SORBS2: variants seen among roughly 807,000 people sequenced by gnomAD.
SORBS2 encodes the protein sorbin and SH3 domain containing 2, also known as sorbin and SH3 domain-containing protein 2.
SORBS2 carries 46 observed loss-of-function variants against 97.7 expected under a neutral mutation model. The observed-to-expected ratio is 0.47, with a 90% CI of 0.37 to 0.60. SORBS2 has a LOEUF of 0.60. Ranked by LOEUF, SORBS2 falls within the 20% of genes least tolerant of loss-of-function variation. The pLI is 0.00. For synonymous variants in SORBS2, 476 were observed against 473.4 expected (o/e 1.01, Z -0.07); for missense variants, 1,316 against 1,282.3 (o/e 1.03, Z -0.40).
At chr4:185,767,316 C>T (rs1330857149) in intron 2 of SORBS2, among the ~76,000 whole-genome samples, 4 of 139,286 alleles carry the variant, frequency 2.9e-5, no homozygotes, top group African/African-American at 7.8e-5. Flanking sequence ...GGCTAACACA[C>T]GGTGAAACCC....
chr4:185,659,099 C>T (rs537345939), upstream of SORBS2, among the ~76,000 whole-genome samples: 1 of 152,216 alleles, frequency 6.6e-6, no homozygotes, highest in South Asian at 2.1e-4. Context: ...ACATTTGTAA[C>T]TGCTATTACT....
intron 2 of SORBS2, among the ~76,000 whole-genome samples, chr4:185,721,849 G>A (rs78078161): frequency 2.9e-3 from 442 of 152,286 alleles, no homozygotes; most frequent in Admixed American, 4.6e-3. Context: ...CTTTGGTTCC[G>A]TATAATTAGG....
chr4:185,875,706 G>A (rs2099233198), intron 1 of SORBS2, among the ~76,000 whole-genome samples: 2 of 152,246 alleles, frequency 1.3e-5, no homozygotes, highest in Admixed American at 6.5e-5. Context: ...ACCCTGGAAA[G>A]TGCTTTGCAT....
chr4:185,942,444 G>A (rs527707606), intron 1 of SORBS2, among the ~76,000 whole-genome samples: 8 of 151,528 alleles, frequency 5.3e-5, no homozygotes, highest in Admixed American at 2.6e-4. Flanking sequence ...TCTGCCTCCC[G>A]GGTTCGAGTG....
chr4:185,816,890 C>T (rs1214692261), intron 1 of SORBS2, among the ~76,000 whole-genome samples: 1 of 152,148 alleles, frequency 6.6e-6, no homozygotes, highest in Non-Finnish European at 1.5e-5. Context: ...GAAAGCCAAA[C>T]CTATTAACAC....
chr4:185,620,012 C>T (rs1469334194), intron 8 of SORBS2, 51 bp downstream of exon 20: 1 of 1,108,706 alleles, frequency 9.0e-7, no homozygotes. Flanking sequence ...CTGGTAAGTG[C>T]TGTATCAAGT....
intron 1 of SORBS2, among the ~76,000 whole-genome samples, chr4:185,949,474 C>T (rs746191815): frequency 3.3e-5 from 5 of 151,992 alleles, no homozygotes; most frequent in Non-Finnish European, 7.4e-5. Context: ...ATCAAGTCAT[C>T]AACTACCAAA....
chr4:185,841,355 T>C (rs1462977656), intron 1 of SORBS2, among the ~76,000 whole-genome samples: 1 of 152,072 alleles, frequency 6.6e-6, no homozygotes, highest in Non-Finnish European at 1.5e-5. Flanking sequence ...CATTCAGATA[T>C]TTGAGGGAAA....
intron 2 of SORBS2, among the ~76,000 whole-genome samples, chr4:185,763,405 C>T (rs2098915680): frequency 6.6e-6 from 1 of 152,158 alleles, no homozygotes; most frequent in Non-Finnish European, 1.5e-5. Flanking sequence ...CATTCTCCTC[C>T]AATCACCTGC....
At chr4:185,894,935 C>T (rs115495237) in intron 1 of SORBS2, among the ~76,000 whole-genome samples, 2,169 of 152,258 alleles carry the variant, frequency 0.014, 32 homozygotes, top group African/African-American at 0.039. Flanking sequence ...GTGACTGAGC[C>T]GGGGATGCCT....
chr4:185,632,771 G>T (rs1231365685), intron 4 of SORBS2, among the ~76,000 whole-genome samples: 1 of 152,200 alleles, frequency 6.6e-6, no homozygotes, highest in African/African-American at 2.4e-5. Flanking sequence ...CATAGTGTAA[G>T]AACTGATTGT....
At chr4:185,911,268 C>T (rs2099254917) in intron 1 of SORBS2, among the ~76,000 whole-genome samples, 2 of 152,152 alleles carry the variant, frequency 1.3e-5, no homozygotes, top group South Asian at 4.1e-4. Flanking sequence ...CGCTCTGTCA[C>T]CCAGGCTGGA....
intron 4 of SORBS2, among the ~76,000 whole-genome samples, chr4:185,669,542 A>T (rs1215053506): frequency 1.3e-5 from 2 of 152,128 alleles, no homozygotes; most frequent in Non-Finnish European, 2.9e-5. Flanking sequence ...GGATGTGAAG[A>T]AGGAGTGCAT....
exon 11 of SORBS2, chr4:185,614,850 A>G: frequency 3.1e-6 from 5 of 1,614,176 alleles, no homozygotes; most frequent in Non-Finnish European, 4.2e-6. Context: ...TGACAGCTCC[A>G]CATTTGTGTC....
intron 7 of SORBS2, among the ~76,000 whole-genome samples, chr4:185,622,471 T>C (rs536844249): frequency 6.6e-6 from 1 of 152,256 alleles, no homozygotes; most frequent in Non-Finnish European, 1.5e-5. Context: ...TGTTTTGATA[T>C]AGTATCTTCT....
intron 2 of SORBS2, among the ~76,000 whole-genome samples, chr4:185,713,550 G>C (rs2098442026): frequency 6.6e-6 from 1 of 152,162 alleles, no homozygotes; most frequent in Non-Finnish European, 1.5e-5. Context: ...GCATCGTGTG[G>C]CTCTACACAG....
In SORBS2 at chr4:185,712,290, C is replaced by T. The variant is rs529976069; in HGVS notation, c.-197-33468G>A. Among the ~76,000 whole-genome samples, 5 of 152,244 alleles carry T rather than the reference C, an allele frequency of 3.3e-5. No individual in the cohort carries two copies. The East Asian group carries it at 7.7e-4, about 24-fold the overall frequency. Reference sequence around the variant, plus strand: ...TGACTTTGGAGGGACAGCTTGACGGCGTAACTTCGGAGAAGAATCCAGCCA... The same window carrying T: ...TGACTTTGGAGGGACAGCTTGACGGTGTAACTTCGGAGAAGAATCCAGCCA... On this transcript the variant is annotated intron_variant, in intron 2 of 20. Coordinates refer to the SORBS2 transcript ENST00000284776.
At chr4:185,854,978 T>C (rs1334411367) in intron 1 of SORBS2, among the ~76,000 whole-genome samples, 1 of 152,172 alleles carries the variant, frequency 6.6e-6, no homozygotes, top group African/African-American at 2.4e-5. Context: ...CACACATTTA[T>C]ATGAAGACAT....
chr4:185,707,836 C>G (rs2098367684), intron 2 of SORBS2, among the ~76,000 whole-genome samples: 1 of 152,152 alleles, frequency 6.6e-6, no homozygotes, highest in Admixed American at 6.5e-5. Context: ...ACCACAAGAA[C>G]AGCACGAGAA....
Sources: allele counts gnomAD v4.1 joint callset (sites outside exome capture counted in the v4.1 genomes callset), GRCh38; gene constraint gnomAD v4.1.1; transcripts MANE v1.5; gene names NCBI Gene and HGNC (gene_info 2026-07-23, HGNC 2026-07-21).